Variants in CTNNA3 observed in about 807,000 individuals in gnomAD.
CTNNA3 encodes the protein catenin alpha-3.
Under a neutral mutation model 95.7 loss-of-function variants are expected in CTNNA3, and 76 were observed. The observed-to-expected ratio is 0.79, with a 90% confidence interval of 0.66 to 0.96. The LOEUF is 0.96. CTNNA3 is among the 40% of genes least tolerant of loss of function. The pLI, the probability that CTNNA3 is intolerant of heterozygous loss-of-function variation, is 0.00. For synonymous variants in CTNNA3, 431 were observed against 374.4 expected (o/e 1.15, Z -1.74); for missense variants, 1,191 against 1,089.8 (o/e 1.09, Z -1.31).
chr10:66,376,823 C>T (rs1223216243), intron 12 of CTNNA3, among the ~76,000 whole-genome samples: 24 of 152,122 alleles, frequency 1.6e-4, no homozygotes, highest in Admixed American at 1.5e-3. Flanking sequence ...TAACACAAAA[C>T]ATGATATTTC....
intron 10 of CTNNA3, among the ~76,000 whole-genome samples, chr10:66,596,477 T>C (rs563237020): frequency 1.3e-5 from 2 of 152,264 alleles, no homozygotes; most frequent in East Asian, 3.9e-4. Context: ...GGAGGAGTCA[T>C]ACTATATTAA....
intron 3 of CTNNA3, among the ~76,000 whole-genome samples, chr10:67,601,091 T>C (rs956779650): frequency 4.6e-5 from 7 of 152,190 alleles, no homozygotes; most frequent in African/African-American, 1.7e-4. Flanking sequence ...GGAGGTTACA[T>C]GAGTGTGTTC....
At chr10:66,297,169 T>C (rs2091792964) in intron 12 of CTNNA3, among the ~76,000 whole-genome samples, 1 of 151,992 alleles carries the variant, frequency 6.6e-6, no homozygotes, top group Admixed American at 6.6e-5. Context: ...ATGTGGGGGG[T>C]TGGAAGGAAT....
chr10:67,307,534 A>T lies in CTNNA3; in HGVS notation c.580-87664T>A, dbSNP rs576415067. Among the ~76,000 whole-genome samples the T allele has an allele frequency of 2.8e-3, 429 of 152,270 alleles. 10 individuals carry two copies. The Middle Eastern group carries it at 0.031, about 11-fold the overall frequency. ...AGCAACTAAATATCCCATTCATATA[A>T]ACCACAGCACTAGTATCAGAGACCC... is the stretch of plus-strand genomic sequence containing the variant. On this transcript the variant is annotated intron_variant, in intron 5 of 17. Transcript: ENST00000433211.
At chr10:66,524,805 T>G (rs1564511445) in intron 10 of CTNNA3, among the ~76,000 whole-genome samples, 1 of 152,054 alleles carries the variant, frequency 6.6e-6, no homozygotes, top group African/African-American at 2.4e-5. Flanking sequence ...ATCCCAGGAC[T>G]TTGGGAGGCT....
At chr10:66,647,550 G>A (rs1008395271) in intron 9 of CTNNA3, among the ~76,000 whole-genome samples, 7 of 145,060 alleles carry the variant, frequency 4.8e-5, no homozygotes, top group African/African-American at 1.6e-4. Flanking sequence ...TTGCTCTGTC[G>A]CCTAGGCTGG....
chr10:67,668,932 C>G (rs3125321), intron 1 of CTNNA3, among the ~76,000 whole-genome samples: 36,926 of 149,768 alleles, frequency 0.25, 9,660 homozygotes, highest in African/African-American at 0.67. Context: ...TCCGCCTCCC[C>G]GGTTCAAGTG....
At chr10:66,610,075 A>G (rs1844273009) in intron 10 of CTNNA3, among the ~76,000 whole-genome samples, 1 of 152,152 alleles carries the variant, frequency 6.6e-6, no homozygotes, top group South Asian at 2.1e-4. Flanking sequence ...ATAGAGGGAA[A>G]CAATAGACAC....
intron 13 of CTNNA3, among the ~76,000 whole-genome samples, chr10:66,143,997 T>C (rs1030785952): frequency 1.3e-5 from 2 of 152,250 alleles, no homozygotes; most frequent in African/African-American, 2.4e-5. Flanking sequence ...ATTGTACTGT[T>C]TTCCCCCATG....
At chr10:67,247,459 A>T (rs905052354) in intron 5 of CTNNA3, among the ~76,000 whole-genome samples, 1 of 152,240 alleles carries the variant, frequency 6.6e-6, no homozygotes, top group Non-Finnish European at 1.5e-5. Context: ...GAGAAATACA[A>T]GATGAGTATA....
intron 5 of CTNNA3, among the ~76,000 whole-genome samples, chr10:67,387,713 G>A (rs1417495066): frequency 6.6e-6 from 1 of 152,208 alleles, no homozygotes; most frequent in African/African-American, 2.4e-5. Context: ...CTGGAGATCT[G>A]AGAACCAGCA....
intron 5 of CTNNA3, among the ~76,000 whole-genome samples, chr10:67,292,929 A>C (rs911538065): frequency 1.3e-5 from 2 of 152,038 alleles, no homozygotes; most frequent in Non-Finnish European, 2.9e-5. Flanking sequence ...TTTGGTAACT[A>C]TCAGCACTTG....
At chr10:66,129,083 A>G (rs938506952) in intron 13 of CTNNA3, among the ~76,000 whole-genome samples, 2 of 152,182 alleles carry the variant, frequency 1.3e-5, no homozygotes, top group Non-Finnish European at 2.9e-5. Flanking sequence ...TGACCAACAT[A>G]GAGAAACACC....
intron 9 of CTNNA3, among the ~76,000 whole-genome samples, chr10:66,680,317 A>G (rs534049726): frequency 1.1e-3 from 164 of 152,180 alleles, no homozygotes; most frequent in African/African-American, 3.9e-3. Flanking sequence ...GACATCAGCC[A>G]CCACACCTGG....
At chr10:66,840,076 C>T (rs1842998071) in intron 7 of CTNNA3, among the ~76,000 whole-genome samples, 1 of 151,996 alleles carries the variant, frequency 6.6e-6, no homozygotes, top group African/African-American at 2.4e-5. Context: ...CAGGTGATGC[C>T]CACTTGAGAA....
intron 12 of CTNNA3, among the ~76,000 whole-genome samples, chr10:66,317,338 T>TA (rs1333311074): frequency 1.3e-5 from 2 of 152,034 alleles, no homozygotes; most frequent in Non-Finnish European, 2.9e-5. Flanking sequence ...CCTCATTTAT[T>TA]TGGGTTTGTT....
intron 10 of CTNNA3, among the ~76,000 whole-genome samples, chr10:66,614,344 T>C (rs1165237689): frequency 6.6e-6 from 1 of 152,076 alleles, no homozygotes; most frequent in Non-Finnish European, 1.5e-5. Context: ...GGTATAATCA[T>C]TCACTCAGCA....
At chr10:67,697,930 C>T (rs1446903022), upstream of CTNNA3, among the ~76,000 whole-genome samples, 1 of 152,120 alleles carries the variant, frequency 6.6e-6, no homozygotes, top group Non-Finnish European at 1.5e-5. Context: ...ACATATATCA[C>T]CTATGTCAAA....
intron 1 of CTNNA3, among the ~76,000 whole-genome samples, chr10:67,689,945 G>A (rs919087255): frequency 1.1e-4 from 17 of 152,326 alleles, no homozygotes; most frequent in South Asian, 2.1e-4. Flanking sequence ...GGCAATAGGC[G>A]AGAGTCCCAT....
Sources: allele counts gnomAD v4.1 joint callset (sites outside exome capture counted in the v4.1 genomes callset), GRCh38; gene constraint gnomAD v4.1.1; transcripts MANE v1.5; gene names NCBI Gene and HGNC (gene_info 2026-07-23, HGNC 2026-07-21).